Variants in THSD7B observed in about 807,000 individuals in gnomAD.
The protein encoded by THSD7B is thrombospondin type 1 domain containing 7B.
A neutral mutation model predicts 213.6 loss-of-function variants in THSD7B; 138 were observed. The observed-to-expected ratio is 0.65, with a 90% CI of 0.56 to 0.74. The LOEUF (loss-of-function observed/expected upper bound fraction) is 0.74. Ranked by LOEUF, THSD7B falls within the 30% of genes least tolerant of loss-of-function variation. THSD7B has a pLI of 0.00. For missense variants in THSD7B, 1,931 were observed against 1,991.5 expected, an observed-to-expected ratio of 0.97 and a Z score of 0.58; for synonymous variants, 742 against 687.0, an observed-to-expected ratio of 1.08 and a Z score of -1.25.
At chr2:137,260,042 C>T (rs756629707) in intron 10 of THSD7B, among the ~76,000 whole-genome samples, 21 of 152,072 alleles carry the variant, frequency 1.4e-4, no homozygotes, top group Non-Finnish European at 1.5e-5. Context: ...ATTTTCCCAA[C>T]GGCCAGTGCT....
chr2:137,428,607 A>G (rs1687109409), intron 14 of THSD7B, among the ~76,000 whole-genome samples: 1 of 152,202 alleles, frequency 6.6e-6, no homozygotes, highest in East Asian at 1.9e-4. Flanking sequence ...TTATTTGGCA[A>G]TTAAAAGAAT....
intron 3 of THSD7B, among the ~76,000 whole-genome samples, chr2:137,076,722 A>G (rs1311542588): frequency 6.6e-6 from 1 of 152,202 alleles, no homozygotes; most frequent in African/African-American, 2.4e-5. Flanking sequence ...CTATTCGGCC[A>G]TCTTGGCTCC....
chr2:136,803,219 A>G (rs962331458), intron 1 of THSD7B, among the ~76,000 whole-genome samples: 1 of 152,128 alleles, frequency 6.6e-6, no homozygotes, highest in East Asian at 1.9e-4. Flanking sequence ...TTCAATAAGC[A>G]AACAGAAAAT....
At chr2:137,049,373 A>G (rs1490513411) in intron 2 of THSD7B, among the ~76,000 whole-genome samples, 1 of 152,208 alleles carries the variant, frequency 6.6e-6, no homozygotes, top group Non-Finnish European at 1.5e-5. Context: ...GTTGTGGAAG[A>G]CGTTTAGAAT....
intron 3 of THSD7B, among the ~76,000 whole-genome samples, chr2:137,086,749 C>T (rs1421368665): frequency 6.6e-6 from 1 of 152,162 alleles, no homozygotes; most frequent in African/African-American, 2.4e-5. Flanking sequence ...ACATAAAGCT[C>T]ATGGTAACCT....
chr2:137,331,279 C>G (rs1327480587), intron 12 of THSD7B, among the ~76,000 whole-genome samples: 1 of 150,490 alleles, frequency 6.6e-6, no homozygotes, highest in Non-Finnish European at 1.5e-5. Context: ...TCGATTGGTG[C>G]ACTCACAAAC....
intron 2 of THSD7B, among the ~76,000 whole-genome samples, chr2:136,946,897 C>T (rs1368437702): frequency 1.3e-5 from 2 of 152,166 alleles, no homozygotes; most frequent in Non-Finnish European, 2.9e-5. Context: ...GTCGTGACTT[C>T]CCTTGGCTAG....
intron 12 of THSD7B, among the ~76,000 whole-genome samples, chr2:137,390,333 C>A (rs1685992233): frequency 6.6e-6 from 1 of 151,792 alleles, no homozygotes. Flanking sequence ...GATTATGTTT[C>A]AGCTAGTTCA....
chr2:137,446,338 A>G (rs1012315824), intron 14 of THSD7B, among the ~76,000 whole-genome samples: 3 of 152,084 alleles, frequency 2.0e-5, no homozygotes, highest in Admixed American at 1.3e-4. Flanking sequence ...CTGTGCTTAC[A>G]CATACATCCG....
At chr2:136,861,559 TG>T (rs1683259541) in intron 1 of THSD7B, among the ~76,000 whole-genome samples, 1 of 152,216 alleles carries the variant, frequency 6.6e-6, no homozygotes, top group Non-Finnish European at 1.5e-5. Context: ...ACTTGAGTTT[TG>T]TTTTCCCATG....
chr2:137,110,196 AGG>A (rs1688322999), intron 4 of THSD7B, among the ~76,000 whole-genome samples: 1 of 152,134 alleles, frequency 6.6e-6, no homozygotes, highest in Non-Finnish European at 1.5e-5. Context: ...TCCCACCAGA[AGG>A]TAATCTTCCC....
At chr2:137,420,882 A>C (rs188626256) in intron 14 of THSD7B, among the ~76,000 whole-genome samples, 1 of 152,018 alleles carries the variant, frequency 6.6e-6, no homozygotes, top group Admixed American at 6.5e-5. Context: ...GGCCATGCTC[A>C]CTCCAAAGGC....
Position 137,537,967 on chromosome 2 carries a change from T to G in THSD7B, c.3139-25254T>G, listed in dbSNP as rs1045237698. On this transcript the variant is annotated intron_variant, in intron 15 of 27. Coordinates refer to ENST00000409968, the MANE Select transcript of THSD7B (RefSeq NM_001316349.2). Reference sequence around the variant, plus strand: ...GTTCAAAATCGAAGTTGTAGTACAGTTAAGGAGGAAAGAAAGATACATGGT... The same window carrying G: ...GTTCAAAATCGAAGTTGTAGTACAGGTAAGGAGGAAAGAAAGATACATGGT... 2.0e-5 allele frequency among the ~76,000 whole-genome samples: 3 copies of G among 151,746 alleles called. No homozygotes were observed. In the East Asian group the frequency reaches 5.9e-4, roughly 30 times the overall value.
chr2:137,452,537 T>C (rs978470048), intron 15 of THSD7B, among the ~76,000 whole-genome samples: 30 of 152,170 alleles, frequency 2.0e-4, no homozygotes, highest in South Asian at 2.1e-4. Flanking sequence ...TAAGCACTTA[T>C]AGTTATAAAT....
At chr2:137,260,821 C>G (rs925621666) in intron 10 of THSD7B, among the ~76,000 whole-genome samples, 2 of 152,070 alleles carry the variant, frequency 1.3e-5, no homozygotes, top group Non-Finnish European at 2.9e-5. Flanking sequence ...ATGCAGTTTC[C>G]TATATTGTTG....
chr2:137,476,397 C>A (rs1688193370), intron 15 of THSD7B, among the ~76,000 whole-genome samples: 1 of 151,890 alleles, frequency 6.6e-6, no homozygotes, highest in Non-Finnish European at 1.5e-5. Flanking sequence ...TTGCCTGGAC[C>A]AATGTCCTGA....
At chr2:137,083,611 T>A (rs1687786715) in intron 3 of THSD7B, among the ~76,000 whole-genome samples, 1 of 152,160 alleles carries the variant, frequency 6.6e-6, no homozygotes, top group African/African-American at 2.4e-5. Context: ...AGAGTCAAAA[T>A]CATTAAAAGT....
At chr2:136,943,229 C>A (rs1684863669) in intron 2 of THSD7B, among the ~76,000 whole-genome samples, 1 of 152,156 alleles carries the variant, frequency 6.6e-6, no homozygotes, top group African/African-American at 2.4e-5. Flanking sequence ...AGGGATGAAG[C>A]CGACTTGATT....
chr2:136,979,850 C>CT (rs1435941638), intron 2 of THSD7B, among the ~76,000 whole-genome samples: 1 of 152,118 alleles, frequency 6.6e-6, no homozygotes, highest in Non-Finnish European at 1.5e-5. Flanking sequence ...GACACTCTTG[C>CT]TTTTTTAATT....
Sources: allele counts gnomAD v4.1 joint callset (sites outside exome capture counted in the v4.1 genomes callset), GRCh38; gene constraint gnomAD v4.1.1; transcripts MANE v1.5; gene names NCBI Gene and HGNC (gene_info 2026-07-23, HGNC 2026-07-21).